PRPF6: variants seen among roughly 807,000 people sequenced by gnomAD.
The protein encoded by PRPF6 is pre-mRNA processing factor 6.
Under a neutral mutation model 118.3 loss-of-function variants are expected in PRPF6, and 42 were observed. The observed-to-expected ratio is 0.35, with a 90% CI of 0.28 to 0.46. PRPF6 has a LOEUF of 0.46. Among genes scored for constraint, PRPF6 ranks in the 20% least tolerant of loss-of-function variants. PRPF6 has a pLI of 1.00. For synonymous variants in PRPF6, 481 were observed against 485.1 expected (o/e 0.99, Z 0.11); for missense variants, 662 against 1,255.7 (o/e 0.53, Z 7.15).
In PRPF6 at chr20:63,999,111, A is replaced by G. The variant is rs754980618; in HGVS notation, c.838A>G (p.Met280Val). 1.9e-6 allele frequency: 3 copies of G among 1,613,836 alleles called. No individual in the cohort carries two copies. The highest frequency in any genetic ancestry group is 2.7e-5 in the African/African-American group (2 of 74,926). The change falls in exon 7 of 21, where the codon ATG becomes GTG. Residue 280 changes from methionine to valine, a missense_variant. This residue lies in a region of PRPF6 where 71 missense variants were observed against 166.4 expected (regional missense o/e 0.43). Transcript: ENST00000266079. Reference sequence around the variant, plus strand: ...AGGCTACCTGACGGATTTAAATTCCATGATCCCGACACACGGAGGAGACAT... The same window carrying G: ...AGGCTACCTGACGGATTTAAATTCCGTGATCCCGACACACGGAGGAGACAT... ...PKGYLTDLNS[M>V]IPTHGGDIND...
At chr20:63,987,567 C>T (rs1252406197) in intron 3 of PRPF6, among the ~76,000 whole-genome samples, 1 of 152,182 alleles carries the variant, frequency 6.6e-6, no homozygotes, top group African/African-American at 2.4e-5. Flanking sequence ...CCACTTTCAC[C>T]ACTGTGATTC....
Position 64,011,241 on chromosome 20 carries a change from C to G in PRPF6, c.1306-44C>G, listed in dbSNP as rs1343674033. On this transcript the variant is annotated intron_variant, in intron 10 of 20. Transcript: ENST00000266079. The surrounding 1 kb of genome is among the most constrained non-coding windows in gnomAD (Gnocchi z 6.7). ...CGCTGTCTGGCCTGCAGCTGTCCCCCCAGCACAGTGTCCTCTCCTTTTTCT... is the reference window on the plus strand; with the variant it reads ...CGCTGTCTGGCCTGCAGCTGTCCCCGCAGCACAGTGTCCTCTCCTTTTTCT... 1.9e-6 allele frequency: 3 copies of G among 1,590,618 alleles called. No homozygotes were observed. In the Admixed American group the frequency reaches 5.0e-5, roughly 27 times the overall value.
chr20:64,011,597 TG>T lies in PRPF6; in HGVS notation c.1524+98del. The T allele has an allele frequency of 7.3e-7, 1 of 1,378,832 alleles. No homozygotes were observed. The highest frequency in any genetic ancestry group is 1.2e-5 in the South Asian group (1 of 80,234). The allele number at this position is 1,378,832 out of a possible 1,614,324, so 85.4% of individuals were successfully genotyped here. A position where few individuals can be genotyped will look rare whatever the true frequency, so the allele number is the denominator to read the frequency against. The stretch of plus-strand genomic sequence containing the variant: ...AGGACTGGGGGTTGCTGGATGGTAC[TG>T]GGGAGTCCTGTGCCAAACCAGAAGC... On this transcript the variant is annotated intron_variant, in intron 11 of 20. Coordinates refer to ENST00000266079, the MANE Select transcript of PRPF6 (RefSeq NM_012469.4). The surrounding 1 kb of genome is among the most constrained non-coding windows in gnomAD (Gnocchi z 6.7).
chr20:64,013,455 T>C (rs2059224017), intron 11 of PRPF6, among the ~76,000 whole-genome samples: 1 of 152,100 alleles, frequency 6.6e-6, no homozygotes, highest in Non-Finnish European at 1.5e-5. Flanking sequence ...TCTTTCCTTC[T>C]TTCTTTCTTG....
At chr20:63,994,818 G>T in intron 4 of PRPF6, 98 bp from the exon 5 acceptor site, 1 of 1,474,266 alleles carries the variant, frequency 6.8e-7, no homozygotes, top group Non-Finnish European at 9.4e-7. Context: ...TCTAAAGCTT[G>T]GTGATCTGGA....
At position 64,011,270 on chromosome 20, in the gene PRPF6, G is replaced by T; in HGVS notation, c.1306-15G>T. 2 of 1,613,614 alleles carry T rather than the reference G, an allele frequency of 1.2e-6. No individual in the cohort carries two copies. The highest frequency in any genetic ancestry group is 1.7e-6 in the Non-Finnish European group (2 of 1,179,728). On this transcript the variant is annotated splice_polypyrimidine_tract_variant and intron_variant, in intron 10 of 20. Coordinates refer to ENST00000266079, the MANE Select transcript of PRPF6 (RefSeq NM_012469.4). The surrounding 1 kb of genome is among the most constrained non-coding windows in gnomAD (Gnocchi z 6.7). ...CACAGTGTCCTCTCCTTTTTCTCGT[G>T]TCCTCTCCGCGTAGCTCTGGCTTGC...
intron 9 of PRPF6, among the ~76,000 whole-genome samples, chr20:64,005,315 G>A (rs986237156): frequency 6.6e-6 from 1 of 152,132 alleles, no homozygotes; most frequent in African/African-American, 2.4e-5. Flanking sequence ...ATTGAGTCCC[G>A]CATGAATATT....
chr20:64,018,281 C>T (rs556198324), intron 12 of PRPF6, among the ~76,000 whole-genome samples: 1 of 152,310 alleles, frequency 6.6e-6, no homozygotes, highest in Admixed American at 6.5e-5. Context: ...ACAGGGTCAT[C>T]CTCAGGCTAG....
rs752165341 is a variant in PRPF6 at position 64,022,926 on chromosome 20, C to T, written c.1769+48C>T. The T allele has an allele frequency of 5.0e-6, 8 of 1,613,124 alleles. No individual in the cohort carries two copies. In the South Asian group the frequency reaches 5.5e-5, roughly 11 times the overall value. ...CCAAGGGTGCTAATGAAACCTCCAG[C>T]TCCATTTGTGTAGCCCTGAATTTAA... On this transcript the variant is annotated intron_variant, in intron 13 of 20. Transcript: ENST00000266079.
chr20:64,025,910 C>T, intron 14 of PRPF6, 29 bp from the exon 15 acceptor site: 2 of 1,613,440 alleles, frequency 1.2e-6, no homozygotes, highest in Non-Finnish European at 1.7e-6. Flanking sequence ...GTTCTGACCC[C>T]TCTTGACGCT....
At chr20:64,024,869 A>G (rs2059281446) in intron 14 of PRPF6, among the ~76,000 whole-genome samples, 176 bp downstream of exon 14, 1 of 152,092 alleles carries the variant, frequency 6.6e-6, no homozygotes, top group Admixed American at 6.5e-5. Flanking sequence ...GAGAGCAGGA[A>G]AGCAGCCCAC....
chr20:64,013,212 G>A (rs1489124421), intron 11 of PRPF6, among the ~76,000 whole-genome samples: 4 of 152,060 alleles, frequency 2.6e-5, no homozygotes, highest in African/African-American at 7.2e-5. Flanking sequence ...CAACCTGCCC[G>A]CCTTGGTCTT....
At chr20:64,024,757 T>G in intron 14 of PRPF6, 64 bp downstream of exon 14, 1 of 1,574,814 alleles carries the variant, frequency 6.3e-7, no homozygotes, top group East Asian at 2.3e-5. Context: ...GGGTGCTGAC[T>G]GGGGCCTGAA....
chr20:64,028,406 G>A lies in PRPF6; in HGVS notation c.2340-72G>A. On this transcript the variant is annotated intron_variant, in intron 17 of 20. Transcript: ENST00000266079. The surrounding 1 kb of genome is among the most constrained non-coding windows in gnomAD (Gnocchi z 6.5). Reference sequence around the variant, plus strand: ...TGGGTGGAGAGCCCTTTCAGACAAGGCTTCCCAGAAGCTACCAGAATATGT... The same window carrying A: ...TGGGTGGAGAGCCCTTTCAGACAAGACTTCCCAGAAGCTACCAGAATATGT... 1 of 1,517,774 alleles carries A rather than the reference G, an allele frequency of 6.6e-7. No homozygotes were observed. Among genetic ancestry groups the A allele is most frequent in the African/African-American group, 1.4e-5 (1 of 73,022 alleles). 94.0% of individuals were successfully genotyped at this position (1,517,774 alleles called of 1,614,324 possible).
At chr20:63,992,555 CCTT>C (rs2059123322) in intron 3 of PRPF6, among the ~76,000 whole-genome samples, 1 of 152,118 alleles carries the variant, frequency 6.6e-6, no homozygotes, top group African/African-American at 2.4e-5. Context: ...CCACGCCTGG[CCTT>C]CTTAGGTGTT....
chr20:63,981,160 C>T lies in PRPF6; in HGVS notation c.-86C>T, dbSNP rs886056958. ...GGCGACACTTTGCTACGGAGTGCAT[C>T]GGACGTCGAAGCCTAGAGTCTCTGC... is the stretch of plus-strand genomic sequence containing the variant. On this transcript the variant is annotated 5_prime_UTR_variant, in exon 1 of 21. Coordinates refer to ENST00000266079, the MANE Select transcript of PRPF6 (RefSeq NM_012469.4). The T allele has an allele frequency of 3.5e-5, 49 of 1,396,970 alleles. No individual in the cohort carries two copies. Among genetic ancestry groups the T allele is most frequent in the Non-Finnish European group, 4.7e-5 (47 of 1,006,910 alleles). 86.5% of individuals were successfully genotyped at this position (1,396,970 alleles called of 1,614,324 possible).
At position 63,983,209 on chromosome 20, in the gene PRPF6, C is replaced by T. The variant is rs753760589; in HGVS notation, c.234C>T (p.Tyr78=). 3.1e-6 allele frequency: 5 copies of T among 1,614,194 alleles called. No homozygotes were observed. Among genetic ancestry groups the T allele is most frequent in the South Asian group, 2.2e-5 (2 of 91,082 alleles). Residue 78 remains tyrosine, a synonymous_variant, in exon 2 of 21, where the codon TAC becomes TAT. Transcript: ENST00000266079. The part of the protein sequence containing the change: ...DDDEDLNDTN[Y]DEFNGYAGSL... ...ACGAGGATCTAAATGACACCAATTACGATGAGGTGAGATGTGTCCGGCTTT... is the reference window on the plus strand; with the variant it reads ...ACGAGGATCTAAATGACACCAATTATGATGAGGTGAGATGTGTCCGGCTTT...
intron 12 of PRPF6, among the ~76,000 whole-genome samples, chr20:64,017,188 C>T (rs1202022512): frequency 6.6e-6 from 1 of 152,220 alleles, no homozygotes; most frequent in Admixed American, 6.5e-5. Flanking sequence ...GTGATCCACC[C>T]CGCCTTGGCT....
At chr20:63,997,424 G>A (rs143156994) in intron 6 of PRPF6, among the ~76,000 whole-genome samples, 107 of 150,882 alleles carry the variant, frequency 7.1e-4, no homozygotes, top group Non-Finnish European at 1.1e-3. Flanking sequence ...CCAAGTAGCT[G>A]GGACTACAGG....
Sources: allele counts gnomAD v4.1 joint callset (sites outside exome capture counted in the v4.1 genomes callset), GRCh38; gene constraint gnomAD v4.1.1; regional missense constraint gnomAD v4.1.1; non-coding constraint Gnocchi (gnomAD v3.1); transcripts MANE v1.5; gene names NCBI Gene and HGNC (gene_info 2026-07-23, HGNC 2026-07-21).